Variants in PLEKHG1 observed in about 807,000 individuals in gnomAD.
The protein encoded by PLEKHG1 is pleckstrin homology and RhoGEF domain containing G1.
Under a neutral mutation model 100.8 loss-of-function variants are expected in PLEKHG1, and 44 were observed. The ratio of observed to expected loss-of-function variants is 0.44; its 90% CI spans 0.34 to 0.56. The LOEUF is 0.56. Ranked by LOEUF, PLEKHG1 falls within the 20% of genes least tolerant of loss-of-function variation. The pLI, the probability that PLEKHG1 is intolerant of heterozygous loss-of-function variation, is 0.01. For synonymous variants in PLEKHG1, 640 were observed against 662.5 expected, an observed-to-expected ratio of 0.97 and a Z score of 0.52; for missense variants, 1,545 against 1,720.9, an observed-to-expected ratio of 0.90 and a Z score of 1.81.
At chr6:150,605,292 G>A (rs567013325) in intron 1 of PLEKHG1, among the ~76,000 whole-genome samples, 13 of 152,320 alleles carry the variant, frequency 8.5e-5, no homozygotes, top group Admixed American at 5.2e-4. Context: ...CCTTGGATGC[G>A]ATACACAGTG....
chr6:150,699,697 A>G (rs1780689626), intron 3 of PLEKHG1, among the ~76,000 whole-genome samples: 1 of 152,230 alleles, frequency 6.6e-6, no homozygotes, highest in Admixed American at 6.5e-5. Flanking sequence ...GGCCATGAAA[A>G]TTAAGCCATT....
chr6:150,658,416 G>A (rs1779053661), intron 3 of PLEKHG1, among the ~76,000 whole-genome samples: 1 of 152,124 alleles, frequency 6.6e-6, no homozygotes, highest in Non-Finnish European at 1.5e-5. Flanking sequence ...TTCTTATAGT[G>A]TTGTAACTTC....
At chr6:150,689,494 T>C (rs558863628) in intron 3 of PLEKHG1, among the ~76,000 whole-genome samples, 1 of 152,364 alleles carries the variant, frequency 6.6e-6, no homozygotes, top group East Asian at 1.9e-4. Context: ...GGACCTGGCA[T>C]AGAAAAAATA....
chr6:150,725,329 A>G (rs780560984), intron 1 of PLEKHG1, among the ~76,000 whole-genome samples: 1 of 152,222 alleles, frequency 6.6e-6, no homozygotes, highest in Admixed American at 6.5e-5. Context: ...GTAAGTTTCA[A>G]CATATGAATT....
At chr6:150,670,402 GA>G (rs1779543878) in intron 3 of PLEKHG1, among the ~76,000 whole-genome samples, 4 of 152,146 alleles carry the variant, frequency 2.6e-5, no homozygotes, top group Non-Finnish European at 5.9e-5. Context: ...GTAAACCTAA[GA>G]ACAAGGCACA....
At chr6:150,661,392 T>C (rs1294669202) in intron 3 of PLEKHG1, among the ~76,000 whole-genome samples, 1 of 152,260 alleles carries the variant, frequency 6.6e-6, no homozygotes, top group Non-Finnish European at 1.5e-5. Flanking sequence ...AGATGTTATA[T>C]GCAGGCAATC....
At chr6:150,736,411 C>T (rs919608053) in intron 2 of PLEKHG1, among the ~76,000 whole-genome samples, 44 of 152,214 alleles carry the variant, frequency 2.9e-4, no homozygotes, top group African/African-American at 9.9e-4. Flanking sequence ...CCAGCCTTCT[C>T]TAAGTTTGCT....
At chr6:150,803,177 A>C (rs1786812193) in intron 6 of PLEKHG1, among the ~76,000 whole-genome samples, 1 of 152,176 alleles carries the variant, frequency 6.6e-6, no homozygotes, top group South Asian at 2.1e-4. Flanking sequence ...TAGATGAAAA[A>C]CTTGAGTACT....
chr6:150,838,343 AG>A (rs1351451477), intron 15 of PLEKHG1, among the ~76,000 whole-genome samples: 1 of 152,224 alleles, frequency 6.6e-6, no homozygotes, highest in African/African-American at 2.4e-5. Context: ...AGCCCATAAC[AG>A]CTTTGAATGT....
rs1299296669 is a variant in PLEKHG1 at position 150,658,923 on chromosome 6, C to T, written c.-99+8137C>T. On this transcript the variant is annotated intron_variant, in intron 3 of 3. Coordinates refer to the PLEKHG1 transcript ENST00000367326. ...ATATATTATTTCTTAATTCTTTTAG[C>T]CTTGTGCAGTTATCATTAATTGGAT... Among the ~76,000 whole-genome samples the T allele has an allele frequency of 2.0e-5, 3 of 152,204 alleles. No homozygotes were observed. In the East Asian group the frequency reaches 5.8e-4, roughly 29 times the overall value.
At position 150,640,081 on chromosome 6, in the gene PLEKHG1, G is replaced by T. The variant is rs140670942; in HGVS notation, c.-158+1956G>T. On this transcript the variant is annotated intron_variant, in intron 2 of 3. Transcript: ENST00000367326. ...CAAATCTTTCGATTCCAAAGCCACT[G>T]CTTTCCCTGTAGGGTTACCCATCTG... Among the ~76,000 whole-genome samples, 614 of 152,388 alleles carry T rather than the reference G, an allele frequency of 4.0e-3. 4 individuals are homozygous for T. Among genetic ancestry groups the T allele is most frequent in the African/African-American group, 0.013 (528 of 41,596 alleles).
At chr6:150,624,447 T>C (rs1173431919) in intron 1 of PLEKHG1, among the ~76,000 whole-genome samples, 1 of 152,204 alleles carries the variant, frequency 6.6e-6, no homozygotes, top group Non-Finnish European at 1.5e-5. Context: ...TTCCGTCCTA[T>C]GGAGCACCTA....
rs751668113 is a variant in PLEKHG1, at chr6:150,831,159, C to A, written c.2048C>A (p.Pro683His). The A allele has an allele frequency of 6.2e-7, 1 of 1,613,862 alleles. No homozygotes were observed. The highest frequency in any genetic ancestry group is 1.7e-5 in the Admixed American group (1 of 60,008). ...AAGCGGGAAGAAGCTGAATCCACTCCCTCTAAATCAGCCAGGGACTCCGTT... is the reference window on the plus strand; with the variant it reads ...AAGCGGGAAGAAGCTGAATCCACTCACTCTAAATCAGCCAGGGACTCCGTT... The change falls in exon 15 of 16, where the codon CCC becomes CAC. Residue 683 changes from proline (P) to histidine (H), a missense_variant. Pro to His is a moderately conservative substitution (Grantham distance 77, BLOSUM62 -2). Coordinates refer to ENST00000358517, the Ensembl canonical transcript of PLEKHG1. The surrounding 1 kb of genome is among the most constrained non-coding windows in gnomAD (Gnocchi z 4.1).
chr6:150,660,215 A>T (rs1779134114), intron 3 of PLEKHG1, among the ~76,000 whole-genome samples: 1 of 152,086 alleles, frequency 6.6e-6, no homozygotes, highest in African/African-American at 2.4e-5. Context: ...TGGCCTGTTC[A>T]TAATTCTTAA....
At chr6:150,804,155 T>TCTATATATA (rs1554276213) in intron 6 of PLEKHG1, among the ~76,000 whole-genome samples, 16 of 30,262 alleles carry the variant, frequency 5.3e-4, no homozygotes, top group Admixed American at 2.8e-3. Context: ...TGTAAATATT[T>TCTATATATA]TATATATATA....
rs1786953192 is a variant in PLEKHG1 at position 150,804,747 on chromosome 6, C to G, written c.912+6C>G. 6.2e-7 allele frequency: 1 copy of G among 1,610,370 alleles called. No individual in the cohort carries two copies. The highest frequency in any genetic ancestry group is 8.5e-7 in the Non-Finnish European group (1 of 1,178,900). On this transcript the variant is annotated splice_donor_region_variant and intron_variant, in intron 7 of 15. Coordinates refer to ENST00000358517, the Ensembl canonical transcript of PLEKHG1. ...AGCACGCGGTCCGGTTACAGGTGAG[C>G]CCGCGAGGTGTCGGTGCCCGGCAGG...
intron 1 of PLEKHG1, among the ~76,000 whole-genome samples, chr6:150,604,991 G>A (rs762756698): frequency 9.9e-5 from 15 of 152,142 alleles, no homozygotes; most frequent in Non-Finnish European, 2.1e-4. Flanking sequence ...TGGGTGGGCC[G>A]CACTCTCTCT....
chr6:150,635,600 A>G (rs374527153), intron 1 of PLEKHG1, among the ~76,000 whole-genome samples: 4 of 152,162 alleles, frequency 2.6e-5, no homozygotes, highest in Non-Finnish European at 2.9e-5. Context: ...AAGTTCAATT[A>G]TATTAGTTAT....
chr6:150,763,023 T>C, intron 2 of PLEKHG1, among the ~76,000 whole-genome samples: 1 of 91,734 alleles, frequency 1.1e-5, no homozygotes, highest in Non-Finnish European at 2.2e-5. Context: ...GGATAAAGCT[T>C]CTTTTTTTTT....
Sources: gnomAD v4.1 joint callset for allele counts (sites outside exome capture counted in the v4.1 genomes callset) on GRCh38, gnomAD v4.1.1 for gene constraint, Gnocchi (gnomAD v3.1) non-coding constraint, MANE v1.5 for transcripts, NCBI Gene and HGNC (gene_info 2026-07-23, HGNC 2026-07-21) for gene names.